ATP8A2: variants seen among roughly 807,000 people sequenced by gnomAD.
The protein encoded by ATP8A2 is phospholipid-transporting ATPase IB.
In ATP8A2, 100 loss-of-function variants were observed where a neutral mutation model predicts 165.6. That is an observed-to-expected ratio of 0.60 (90% CI 0.51 to 0.71). The LOEUF is 0.71. ATP8A2 is among the 30% of genes least tolerant of loss of function. ATP8A2 has a pLI of 0.00. For missense variants in ATP8A2, 1,227 were observed against 1,479.5 expected, an observed-to-expected ratio of 0.83 and a Z score of 2.80; for synonymous variants, 543 against 548.8, an observed-to-expected ratio of 0.99 and a Z score of 0.15.
At chr13:25,497,497 T>C (rs2036713543) in intron 2 of ATP8A2, among the ~76,000 whole-genome samples, 2 of 152,208 alleles carry the variant, frequency 1.3e-5, no homozygotes, top group Non-Finnish European at 2.9e-5. Context: ...GCTGTTTTAA[T>C]GTATGAATGC....
intron 1 of ATP8A2, among the ~76,000 whole-genome samples, chr13:25,461,629 C>A (rs1002382816): frequency 6.6e-6 from 1 of 152,186 alleles, no homozygotes; most frequent in African/African-American, 2.4e-5. Flanking sequence ...TAACCAACTT[C>A]TTAACTCATG....
chr13:25,412,006 T>A (rs2033980641), intron 1 of ATP8A2, among the ~76,000 whole-genome samples: 1 of 152,214 alleles, frequency 6.6e-6, no homozygotes, highest in Non-Finnish European at 1.5e-5. Flanking sequence ...GCGTCAGACC[T>A]GTACAGATTT....
intron 1 of ATP8A2, among the ~76,000 whole-genome samples, chr13:25,413,689 A>T (rs1323048272): frequency 1.3e-5 from 2 of 152,006 alleles, no homozygotes; most frequent in Non-Finnish European, 2.9e-5. Context: ...TTCCTTTTTA[A>T]TGGGAATCTA....
intron 33 of ATP8A2, among the ~76,000 whole-genome samples, chr13:25,913,572 T>A (rs306417): frequency 6.6e-6 from 1 of 152,090 alleles, no homozygotes. Context: ...AGCGTGGGGT[T>A]CATGCCACTG....
intron 24 of ATP8A2, among the ~76,000 whole-genome samples, chr13:25,653,215 G>T (rs775954402): frequency 1.3e-5 from 2 of 152,148 alleles, no homozygotes; most frequent in African/African-American, 4.8e-5. Flanking sequence ...TGAATAGGGA[G>T]TCCTTTCCAG....
chr13:25,468,848 G>A (rs1390348289), intron 1 of ATP8A2, 129 bp from the exon 2 acceptor site: 5 of 1,429,594 alleles, frequency 3.5e-6, no homozygotes, highest in African/African-American at 2.9e-5. Context: ...AAGGTACGTA[G>A]GCGGCGTCCG....
At chr13:25,711,043 C>A (rs536791969) in intron 25 of ATP8A2, among the ~76,000 whole-genome samples, 3 of 152,084 alleles carry the variant, frequency 2.0e-5, no homozygotes, top group Non-Finnish European at 2.9e-5. Flanking sequence ...CTCACTCTGT[C>A]GCCCAGGCTG....
chr13:25,384,367 G>C (rs535762731), intron 1 of ATP8A2, among the ~76,000 whole-genome samples: 27 of 152,154 alleles, frequency 1.8e-4, no homozygotes, highest in African/African-American at 5.8e-4. Flanking sequence ...TTTCTTTTTT[G>C]GGGAGAAGTC....
chr13:25,657,445 G>A (rs533918806), intron 24 of ATP8A2, among the ~76,000 whole-genome samples: 1 of 152,246 alleles, frequency 6.6e-6, no homozygotes, highest in East Asian at 1.9e-4. Context: ...TCTTTCATGG[G>A]CCAGATGGGG....
At chr13:25,789,530 G>T (rs1045580280) in intron 27 of ATP8A2, among the ~76,000 whole-genome samples, 2 of 152,084 alleles carry the variant, frequency 1.3e-5, no homozygotes, top group African/African-American at 4.8e-5. Flanking sequence ...TAACTAGGGA[G>T]GTGAAAGGCC....
chr13:25,637,092 C>CAAAAAA (rs56069703), intron 24 of ATP8A2, among the ~76,000 whole-genome samples: 1 of 67,664 alleles, frequency 1.5e-5, no homozygotes, highest in African/African-American at 5.7e-5. Flanking sequence ...GACCCTGTCT[C>CAAAAAA]AAAAAAAAAA....
intron 1 of ATP8A2, among the ~76,000 whole-genome samples, chr13:25,393,277 G>A (rs763361553): frequency 2.0e-5 from 3 of 151,912 alleles, no homozygotes; most frequent in African/African-American, 4.8e-5. Flanking sequence ...CTACAGGCGC[G>A]TGCCACCATG....
intron 24 of ATP8A2, among the ~76,000 whole-genome samples, chr13:25,696,971 C>T (rs1164258864): frequency 6.6e-6 from 1 of 152,150 alleles, no homozygotes; most frequent in African/African-American, 2.4e-5. Context: ...ATTACCATAA[C>T]AGATATAATC....
rs189459792 is a variant in ATP8A2 at position 25,642,865 on chromosome 13, G to A, written c.2211+53166G>A. On this transcript the variant is annotated intron_variant, in intron 24 of 36. Transcript: ENST00000381655. ...TAAGAAAATGTGGCACATGCACACC[G>A]TGGAATACTATGCAGCCATAAAAAA... 1.6e-3 allele frequency among the ~76,000 whole-genome samples: 240 copies of A among 152,216 alleles called. 1 individual carries two copies. Among genetic ancestry groups the A allele is most frequent in the Middle Eastern group, 3.4e-3 (1 of 292 alleles).
chr13:25,690,365 C>T (rs896721446), intron 24 of ATP8A2, among the ~76,000 whole-genome samples: 1 of 151,478 alleles, frequency 6.6e-6, no homozygotes, highest in Non-Finnish European at 1.5e-5. Flanking sequence ...TTCAGGAAAA[C>T]GTGGGTTTTT....
At chr13:25,880,916 C>T (rs1425143063) in intron 33 of ATP8A2, 1 of 455,752 alleles carries the variant, frequency 2.2e-6, no homozygotes, top group Non-Finnish European at 4.4e-6. Flanking sequence ...AGAAAAATTC[C>T]CCAAATCTAC....
chr13:25,678,358 A>G (rs934588060), intron 24 of ATP8A2, among the ~76,000 whole-genome samples: 1 of 152,168 alleles, frequency 6.6e-6, no homozygotes, highest in African/African-American at 2.4e-5. Flanking sequence ...ACAGGCTGGC[A>G]GCAGGTGGAG....
intron 2 of ATP8A2, among the ~76,000 whole-genome samples, chr13:25,513,718 G>T (rs1187124017): frequency 6.6e-6 from 1 of 152,190 alleles, no homozygotes; most frequent in Non-Finnish European, 1.5e-5. Flanking sequence ...ACCTCGGGAG[G>T]CCGAGGCTGG....
At chr13:25,756,132 G>T (rs1392454945) in intron 25 of ATP8A2, among the ~76,000 whole-genome samples, 1 of 152,154 alleles carries the variant, frequency 6.6e-6, no homozygotes, top group Admixed American at 6.5e-5. Flanking sequence ...AGAGGCAGGG[G>T]GATGGTGCTC....
Sources: allele counts gnomAD v4.1 joint callset (sites outside exome capture counted in the v4.1 genomes callset), GRCh38; gene constraint gnomAD v4.1.1; transcripts MANE v1.5; gene names NCBI Gene and HGNC (gene_info 2026-07-23, HGNC 2026-07-21).